PLXNB1: variants seen among roughly 807,000 people sequenced by gnomAD.
PLXNB1 encodes plexin B1.
In PLXNB1, 106 loss-of-function variants were observed where a neutral mutation model predicts 209.4. The observed-to-expected ratio is 0.51, with a 90% CI of 0.43 to 0.59. The LOEUF (loss-of-function observed/expected upper bound fraction) is 0.59, where lower values mean the gene tolerates loss of function less well. Ranked by LOEUF, PLXNB1 falls within the 20% of genes least tolerant of loss-of-function variation. The pLI, the probability that PLXNB1 is intolerant of heterozygous loss-of-function variation, is 0.00. For synonymous variants in PLXNB1, 1,167 were observed against 1,183.2 expected, an observed-to-expected ratio of 0.99 and a Z score of 0.28; for missense variants, 2,357 against 2,853.2, an observed-to-expected ratio of 0.83 and a Z score of 3.96.
At position 48,419,372 on chromosome 3, in the gene PLXNB1, G is replaced by A. The variant is rs1449680953; in HGVS notation, c.2710-6C>T. The A allele has an allele frequency of 1.3e-6, 2 of 1,550,776 alleles. No individual in the cohort carries two copies. Among genetic ancestry groups the A allele is most frequent in the East Asian group, 4.5e-5 (2 of 44,094 alleles). On this transcript the variant is annotated splice_polypyrimidine_tract_variant and splice_region_variant and intron_variant, in intron 11 of 37. Coordinates refer to ENST00000296440, the MANE Select transcript of PLXNB1 (RefSeq NM_001130082.3). The surrounding 1 kb of genome is among the most constrained non-coding windows in gnomAD (Gnocchi z 5.7). ...GCCCCCAAGGTCGCCTCTTCCTGCAGGCACCAAGGGCAAGGCAGTCTATGG... is the reference window on the plus strand; with the variant it reads ...GCCCCCAAGGTCGCCTCTTCCTGCAAGCACCAAGGGCAAGGCAGTCTATGG...
rs1345454388 is a variant in PLXNB1, at chr3:48,411,484, A to C, written c.5247+379T>G. Reference sequence around the variant, plus strand: ...TAAGGGGAAAGCAAACCCAGAGAGAAGTGCCTGCCAGAGTGAGGCTGGCTT... The same window carrying C: ...TAAGGGGAAAGCAAACCCAGAGAGACGTGCCTGCCAGAGTGAGGCTGGCTT... On this transcript the variant is annotated intron_variant, in intron 28 of 37. Coordinates refer to ENST00000296440, the MANE Select transcript of PLXNB1 (RefSeq NM_001130082.3). The surrounding 1 kb of genome is among the most constrained non-coding windows in gnomAD (Gnocchi z 4.0). Among the ~76,000 whole-genome samples, 56 of 152,260 alleles carry C rather than the reference A, an allele frequency of 3.7e-4. No individual in the cohort carries two copies. The highest frequency in any genetic ancestry group is 2.9e-5 in the Non-Finnish European group (2 of 68,000).
rs764250902 is a variant in PLXNB1, at chr3:48,421,239, G to A, written c.1799C>T (p.Pro600Leu). 32 of 1,613,070 alleles carry A rather than the reference G, an allele frequency of 2.0e-5. No individual in the cohort carries two copies. In the Admixed American group the frequency reaches 2.0e-4, roughly 10 times the overall value. ...SPDPSEAPVL[P>L]RGADYVSVSV... is the part of the protein sequence containing the mutation. ...ATTCTCTCACCCACCGGCTCCTCTC[G>A]GCAGCACTGGGGCCTCACTAGGGTC... The change falls in exon 8 of 38, where the codon CCG (proline) becomes CTG (leucine). Residue 600 changes from proline to leucine, a missense_variant. Physicochemically the swap from Pro to Leu is moderately conservative, Grantham distance 98. Transcript: ENST00000296440.
chr3:48,415,173 T>C lies in PLXNB1; in HGVS notation c.3966+3A>G, dbSNP rs1196477734. 6.2e-7 allele frequency: 1 copy of C among 1,610,820 alleles called. No homozygotes were observed. Among genetic ancestry groups the C allele is most frequent in the Non-Finnish European group, 8.5e-7 (1 of 1,177,732 alleles). On this transcript the variant is annotated splice_donor_region_variant and intron_variant, in intron 20 of 37. Coordinates refer to ENST00000296440, the MANE Select transcript of PLXNB1 (RefSeq NM_001130082.3). This position sits in a 1 kb window ranked among gnomAD's most constrained non-coding sequence, Gnocchi z 5.0. Reference sequence around the variant, plus strand: ...AGTGTGGGGGTACCCAAGGGTGTCCTACTTGCTGGCTACTGCAGGAGGGTC... The same window carrying C: ...AGTGTGGGGGTACCCAAGGGTGTCCCACTTGCTGGCTACTGCAGGAGGGTC...
Position 48,413,823 on chromosome 3 carries a change from G to A in PLXNB1, c.4387-5C>T, listed in dbSNP as rs559756210. ...GCGCAAGTTCCCCATCTGCACCTGTGTCAGGAGCCACCTGTGAGCAAGGGT... is the reference window on the plus strand; with the variant it reads ...GCGCAAGTTCCCCATCTGCACCTGTATCAGGAGCCACCTGTGAGCAAGGGT... On this transcript the variant is annotated splice_polypyrimidine_tract_variant and splice_region_variant and intron_variant, in intron 22 of 37. Transcript: ENST00000296440. The surrounding 1 kb of genome is among the most constrained non-coding windows in gnomAD (Gnocchi z 5.4). The A allele has an allele frequency of 4.8e-5, 77 of 1,612,366 alleles. No homozygotes were observed. The South Asian group carries it at 7.4e-4, about 15-fold the overall frequency.
rs767678127 is a variant in PLXNB1, at chr3:48,419,247, G to A, written c.2829C>T (p.Phe943=). Residue 943 remains phenylalanine, a synonymous_variant, in exon 12 of 38, where the codon TTC becomes TTT. Transcript: ENST00000296440. The surrounding 1 kb of genome is among the most constrained non-coding windows in gnomAD (Gnocchi z 5.7). The part of the protein sequence containing the change: ...IRLLGRNLHL[F]QDGPGDNECV... ...GCGGCAGGCAGGACACACTGACCTG[G>A]AAAAGGTGCAGGTTCCTGCCTAGCA... 1.3e-6 allele frequency: 2 copies of A among 1,572,792 alleles called. No individual in the cohort carries two copies. The highest frequency in any genetic ancestry group is 1.7e-6 in the Non-Finnish European group (2 of 1,156,702).
In PLXNB1 at chr3:48,409,607, G is replaced by A. The variant is rs2037532501; in HGVS notation, c.5903C>T (p.Ser1968Phe). The change falls in exon 33 of 38, where the codon TCC (serine) becomes TTC (phenylalanine). Residue 1968 changes from serine (S) to phenylalanine (F), a missense_variant. Physicochemically the swap from Ser to Phe is radical, Grantham distance 155. Transcript: ENST00000296440. This position sits in a 1 kb window ranked among gnomAD's most constrained non-coding sequence, Gnocchi z 5.8. ...CCAGATGTGGATGGTGTCCTGGTCG[G>A]AGATGCCATGCTGCTGGGCCTGCTC... ...LDEQAQQHGISDQDTIHIWKT... is the reference protein window; with the variant it reads ...LDEQAQQHGIFDQDTIHIWKT... 1.9e-6 allele frequency: 3 copies of A among 1,614,020 alleles called. No individual in the cohort carries two copies. Among genetic ancestry groups the A allele is most frequent in the East Asian group, 4.5e-5 (2 of 44,882 alleles).
chr3:48,414,769 G>A, intron 21 of PLXNB1, 30 bp downstream of exon 21: 1 of 1,605,284 alleles, frequency 6.2e-7, no homozygotes, highest in South Asian at 1.1e-5. Flanking sequence ...AGGGTCTCGG[G>A]GCCCTGCCAG....
rs772012742 is a variant in PLXNB1, at chr3:48,406,121, C to T, written c.6229-323G>A. On this transcript the variant is annotated intron_variant, in intron 36 of 37. Coordinates refer to ENST00000296440, the MANE Select transcript of PLXNB1 (RefSeq NM_001130082.3). The surrounding 1 kb of genome is among the most constrained non-coding windows in gnomAD (Gnocchi z 4.4). ...TGAGGTTCTAGCCCAGACCCTCTGC[C>T]ACCCAGATGACTCCAGAGCCAAGTG... 3.4e-6 allele frequency: 1 copy of T among 294,796 alleles called. No homozygotes were observed. The highest frequency in any genetic ancestry group is 6.6e-6 in the Non-Finnish European group (1 of 150,530). 18.3% of individuals were successfully genotyped at this position (294,796 alleles called of 1,614,324 possible).
At position 48,406,798 on chromosome 3, in the gene PLXNB1, C is replaced by A; in HGVS notation, c.6228+25G>T. Reference sequence around the variant, plus strand: ...GTTGTGGCAGGAGGCCTATGCCCAACCCAAGAAGCAGAGGGAGGCCTTACC... The same window carrying A: ...GTTGTGGCAGGAGGCCTATGCCCAAACCAAGAAGCAGAGGGAGGCCTTACC... On this transcript the variant is annotated intron_variant, in intron 36 of 37. Transcript: ENST00000296440. This position sits in a 1 kb window ranked among gnomAD's most constrained non-coding sequence, Gnocchi z 4.4. 3 of 1,578,144 alleles carry A rather than the reference C, an allele frequency of 1.9e-6. No individual in the cohort carries two copies. Among genetic ancestry groups the A allele is most frequent in the South Asian group, 1.2e-5 (1 of 86,018 alleles).
rs762508198 is a variant in PLXNB1, at chr3:48,409,559, G to A, written c.5939+12C>T. On this transcript the variant is annotated intron_variant, in intron 33 of 37. Transcript: ENST00000296440. This position sits in a 1 kb window ranked among gnomAD's most constrained non-coding sequence, Gnocchi z 5.8. ...CCCACACACACCTAGAGCCCACCCA[G>A]CTCCACCCCACCTGTTGGTCTTCCA... 2 of 1,613,672 alleles carry A rather than the reference G, an allele frequency of 1.2e-6. No individual in the cohort carries two copies. The highest frequency in any genetic ancestry group is 1.7e-6 in the Non-Finnish European group (2 of 1,179,682).
rs2106911330 is a variant in PLXNB1, at chr3:48,420,030, C to A, written c.2256G>T (p.Gly752=). 2 of 1,609,944 alleles carry A rather than the reference C, an allele frequency of 1.2e-6. No individual in the cohort carries two copies. The highest frequency in any genetic ancestry group is 3.3e-4 in the Middle Eastern group (2 of 6,044). The stretch of plus-strand genomic sequence containing the variant: ...GGGAGGGCTCCTCATGGAGAGGCGA[C>A]CCTGTGGAGCCAGGGGAAGATATGG... ...SGSISSPGST[G]SPLHEEPSPP... is the part of the protein sequence containing the mutation. The change falls in exon 11 of 38, where the codon GGG becomes GGT. Residue 752 remains glycine, a synonymous_variant. Coordinates refer to ENST00000296440, the MANE Select transcript of PLXNB1 (RefSeq NM_001130082.3).
rs537534482 is a variant in PLXNB1 at position 48,405,619 on chromosome 3, C to T, written c.6303+105G>A. 135 of 887,316 alleles carry T rather than the reference C, an allele frequency of 1.5e-4. No homozygotes were observed. The highest frequency in any genetic ancestry group is 2.2e-4 in the Non-Finnish European group (123 of 560,124). The allele number at this position is 887,316 out of a possible 1,614,324, so 55.0% of individuals were successfully genotyped here. On this transcript the variant is annotated intron_variant, in intron 37 of 37. Coordinates refer to ENST00000296440, the MANE Select transcript of PLXNB1 (RefSeq NM_001130082.3). The surrounding 1 kb of genome is among the most constrained non-coding windows in gnomAD (Gnocchi z 5.0). The stretch of plus-strand genomic sequence containing the variant: ...GGCCCGGCCCCCCACTACTCTGTCC[C>T]TGGGGAAGACCAAAGCCCCCAACGT...
Position 48,405,714 on chromosome 3 carries a change from G to C in PLXNB1, c.6303+10C>G, listed in dbSNP as rs774330892. On this transcript the variant is annotated intron_variant, in intron 37 of 37. Coordinates refer to ENST00000296440, the MANE Select transcript of PLXNB1 (RefSeq NM_001130082.3). The surrounding 1 kb of genome is among the most constrained non-coding windows in gnomAD (Gnocchi z 5.0). The stretch of plus-strand genomic sequence containing the variant: ...GTCAGCCTCCCAGTCGGGGTCCAGG[G>C]CCTGCCCACCTGGTCATAGTACTTG... The C allele has an allele frequency of 6.2e-7, 1 of 1,610,454 alleles. No individual in the cohort carries two copies. Among genetic ancestry groups the C allele is most frequent in the South Asian group, 1.1e-5 (1 of 90,914 alleles).
Position 48,419,765 on chromosome 3 carries a change from A to G in PLXNB1, c.2521T>C (p.Trp841Arg), listed in dbSNP as rs1477127660. 3 of 1,607,648 alleles carry G rather than the reference A, an allele frequency of 1.9e-6. No homozygotes were observed. Among genetic ancestry groups the G allele is most frequent in the Non-Finnish European group, 2.5e-6 (3 of 1,177,600 alleles). Residue 841 changes from tryptophan (W) to arginine (R), a missense_variant, in exon 11 of 38, where the codon TGG becomes CGG. Trp to Arg is a moderately radical substitution (Grantham distance 101). Transcript: ENST00000296440. This position sits in a 1 kb window ranked among gnomAD's most constrained non-coding sequence, Gnocchi z 5.7. ...AMGSVKPALDWLTREGGELPE... is the reference protein window; with the variant it reads ...AMGSVKPALDRLTREGGELPE... ...AGCTCGCCGCCTTCTCTCGTGAGCCAGTCCAGGGCGGGCTTCACGGAGCCC... is the reference window on the plus strand; with the variant it reads ...AGCTCGCCGCCTTCTCTCGTGAGCCGGTCCAGGGCGGGCTTCACGGAGCCC...
rs758086097 is a variant in PLXNB1, at chr3:48,413,038, T to C, written c.4636+31A>G. On this transcript the variant is annotated intron_variant, in intron 24 of 37. Coordinates refer to ENST00000296440, the MANE Select transcript of PLXNB1 (RefSeq NM_001130082.3). This position sits in a 1 kb window ranked among gnomAD's most constrained non-coding sequence, Gnocchi z 5.4. ...ATGGGAGTGGGTTTGGGCAGAGTTCTGGAGGGCGGGGCCCATTCTCTCAGC... is the reference window on the plus strand; with the variant it reads ...ATGGGAGTGGGTTTGGGCAGAGTTCCGGAGGGCGGGGCCCATTCTCTCAGC... 6 of 1,609,232 alleles carry C rather than the reference T, an allele frequency of 3.7e-6. No homozygotes were observed. The highest frequency in any genetic ancestry group is 5.1e-6 in the Non-Finnish European group (6 of 1,175,694).
chr3:48,422,743 C>T (rs768416865), intron 4 of PLXNB1, 22 bp downstream of exon 4: 9 of 1,607,918 alleles, frequency 5.6e-6, no homozygotes, highest in Non-Finnish European at 7.7e-6. Flanking sequence ...GGGGCAGGGG[C>T]CAGTACTTCC....
In PLXNB1 at chr3:48,425,310, C is replaced by G. The variant is rs1406469250; in HGVS notation, c.-36G>C. On this transcript the variant is annotated 5_prime_UTR_variant, in exon 2 of 38. Transcript: ENST00000296440. ...CAGGGCCGGCTGGATCAGGAGACAA[C>G]AGCATGACCCGTGTGGGAGTCACCT... 10 of 152,252 alleles carry G rather than the reference C, an allele frequency of 6.6e-5. No individual in the cohort carries two copies. The highest frequency in any genetic ancestry group is 3.3e-4 in the Admixed American group (5 of 15,282). The allele number at this position is 152,252 out of a possible 1,614,324, so 9.4% of individuals were successfully genotyped here.
rs202001450 is a variant in PLXNB1 at position 48,420,680 on chromosome 3, C to A, written c.2013G>T (p.Met671Ile). The change falls in exon 10 of 38, where the codon ATG becomes ATT. Residue 671 changes from methionine to isoleucine, a missense_variant. Coordinates refer to ENST00000296440, the MANE Select transcript of PLXNB1 (RefSeq NM_001130082.3). ...THKASCDAGP[M>I]VASHQSPLVS... ...TCACACTCACCTGATGGCTTGCAAC[C>A]ATGGGCCCAGCATCACACGAGGCCT... 1 of 1,613,728 alleles carries A rather than the reference C, an allele frequency of 6.2e-7. No homozygotes were observed. The highest frequency in any genetic ancestry group is 2.2e-5 in the East Asian group (1 of 44,876).
Position 48,424,248 on chromosome 3 carries a change from G to A in PLXNB1, c.364C>T (p.Arg122Trp), listed in dbSNP as rs868726471. ...GSVHQGVCEQ[R>W]RLGQLEQLLL... ...AGCTGCTCGAGCTGCCCCAGGCGCC[G>A]CTGTTCACAGACCCCCTGGTGCACG... The change falls in exon 3 of 38, where the codon CGG becomes TGG. Residue 122 changes from arginine to tryptophan, a missense_variant. Physicochemically the swap from Arg to Trp is moderately radical, Grantham distance 101 (BLOSUM62 -3). Around this residue, in one of 7 missense-constraint regions of PLXNB1, gnomAD observed 107 missense variants for 167.2 expected, o/e 0.64. Transcript: ENST00000296440. The A allele has an allele frequency of 2.5e-6, 4 of 1,601,608 alleles. No homozygotes were observed. The highest frequency in any genetic ancestry group is 2.2e-5 in the South Asian group (2 of 88,998).
Sources: gnomAD v4.1 joint callset for allele counts (sites outside exome capture counted in the v4.1 genomes callset) on GRCh38, gnomAD v4.1.1 for gene constraint, gnomAD v4.1.1 regional missense constraint, Gnocchi (gnomAD v3.1) non-coding constraint, MANE v1.5 for transcripts, NCBI Gene and HGNC (gene_info 2026-07-23, HGNC 2026-07-21) for gene names.